EXT1: variants seen among roughly 807,000 people sequenced by gnomAD.
EXT1 encodes the protein exostosin-1.
In EXT1, 20 loss-of-function variants were observed where a neutral mutation model predicts 82.5. That is an observed-to-expected ratio of 0.24 (90% CI 0.17 to 0.35). The LOEUF (loss-of-function observed/expected upper bound fraction) is 0.35. EXT1 is among the 10% of genes least tolerant of loss of function. The pLI is 1.00. For missense variants in EXT1, 757 were observed against 936.5 expected (o/e 0.81, Z 2.50); for synonymous variants, 348 against 350.8 (o/e 0.99, Z 0.09).
At chr8:118,086,832 A>G (rs1817427998) in intron 1 of EXT1, among the ~76,000 whole-genome samples, 1 of 152,220 alleles carries the variant, frequency 6.6e-6, no homozygotes, top group Non-Finnish European at 1.5e-5. Flanking sequence ...TTAGTTTTGT[A>G]GTAGACAGAA....
chr8:117,836,813 T>C (rs527793927), intron 2 of EXT1, among the ~76,000 whole-genome samples: 2 of 152,312 alleles, frequency 1.3e-5, no homozygotes, highest in East Asian at 1.9e-4. Context: ...GGCTGCTTTT[T>C]AGAGTCCAGC....
Position 118,023,857 on chromosome 8 carries a change from C to G in EXT1, c.962+86228G>C, listed in dbSNP as rs150249435. ...CGCTCATTAACGATAATGCCAGTTC[C>G]AGAATTAGCAATGCCATTTCTTCCT... On this transcript the variant is annotated intron_variant, in intron 1 of 10. Coordinates refer to ENST00000378204, the MANE Select transcript of EXT1 (RefSeq NM_000127.3). 9.3e-4 allele frequency among the ~76,000 whole-genome samples: 141 copies of G among 152,356 alleles called. 1 individual carries two copies. The highest frequency in any genetic ancestry group is 3.3e-3 in the African/African-American group (138 of 41,586).
chr8:117,939,327 T>C (rs575057815), intron 1 of EXT1, among the ~76,000 whole-genome samples: 1 of 152,278 alleles, frequency 6.6e-6, no homozygotes, highest in African/African-American at 2.4e-5. Context: ...GCCAGCACTT[T>C]GGGCGGACAA....
intron 1 of EXT1, among the ~76,000 whole-genome samples, chr8:118,063,169 CAA>C (rs1308678470): frequency 2.0e-5 from 3 of 151,366 alleles, no homozygotes; most frequent in African/African-American, 7.3e-5. Flanking sequence ...AAAAAATAGA[CAA>C]AGTGGTAGAA....
chr8:117,884,480 T>C (rs962680229), intron 1 of EXT1, among the ~76,000 whole-genome samples: 23 of 152,082 alleles, frequency 1.5e-4, no homozygotes, highest in Non-Finnish European at 2.6e-4. Context: ...ATGTAGAAGG[T>C]GGGCAGTCGG....
chr8:117,987,491 A>G (rs559895531), intron 1 of EXT1, among the ~76,000 whole-genome samples: 17 of 152,360 alleles, frequency 1.1e-4, no homozygotes, highest in South Asian at 8.3e-4. Flanking sequence ...CGTGGCTCAC[A>G]GCCTAGCACA....
chr8:118,104,822 A>G (rs1290684975), intron 1 of EXT1, among the ~76,000 whole-genome samples: 1 of 152,220 alleles, frequency 6.6e-6, no homozygotes, highest in Non-Finnish European at 1.5e-5. Context: ...CCTCATGGAA[A>G]CATAAGCTTC....
At chr8:117,814,231 A>ACTG (rs1402864608) in intron 7 of EXT1, among the ~76,000 whole-genome samples, 3 of 102,540 alleles carry the variant, frequency 2.9e-5, no homozygotes, top group Non-Finnish European at 4.3e-5. Context: ...GTGCACACAC[A>ACTG]GTGGTGTGTG....
At chr8:117,894,152 T>A (rs1033981284) in intron 1 of EXT1, among the ~76,000 whole-genome samples, 3 of 152,174 alleles carry the variant, frequency 2.0e-5, no homozygotes, top group Non-Finnish European at 4.4e-5. Flanking sequence ...ACTACTCTAA[T>A]CACTCTCTGG....
chr8:118,090,792 A>AAAAAAAAC (rs1817509966), intron 1 of EXT1, among the ~76,000 whole-genome samples: 1 of 140,426 alleles, frequency 7.1e-6, no homozygotes, highest in Non-Finnish European at 1.5e-5. Context: ...AAAAAAAAAA[A>AAAAAAAAC]AAAAAAAAAA....
chr8:118,065,790 T>G (rs1209037881), intron 1 of EXT1, among the ~76,000 whole-genome samples: 1 of 152,204 alleles, frequency 6.6e-6, no homozygotes, highest in Non-Finnish European at 1.5e-5. Context: ...TAATATTTAG[T>G]GGGTGGGCAT....
chr8:117,897,366 A>G (rs932510001), intron 1 of EXT1, among the ~76,000 whole-genome samples: 12 of 152,166 alleles, frequency 7.9e-5, no homozygotes, highest in African/African-American at 2.9e-4. Context: ...GCTCTCCCCC[A>G]CGAGTGGAAG....
At chr8:118,059,497 A>T (rs1327486508) in intron 1 of EXT1, among the ~76,000 whole-genome samples, 1 of 152,148 alleles carries the variant, frequency 6.6e-6, no homozygotes, top group Non-Finnish European at 1.5e-5. Flanking sequence ...GTTTCTTCCT[A>T]ACAAGCGGCC....
At chr8:117,885,494 C>CAAAAA (rs11300586) in intron 1 of EXT1, among the ~76,000 whole-genome samples, 41 of 103,384 alleles carry the variant, frequency 4.0e-4, no homozygotes, top group African/African-American at 1.0e-3. Flanking sequence ...AAGTAACAGA[C>CAAAAA]AAAAAAAAAA....
intron 1 of EXT1, among the ~76,000 whole-genome samples, chr8:118,068,713 A>T (rs1357578064): frequency 3.3e-5 from 5 of 152,222 alleles, no homozygotes; most frequent in African/African-American, 1.2e-4. Context: ...GCGGCAGAAT[A>T]TATTACAAAA....
chr8:117,964,839 T>C (rs916081766), intron 1 of EXT1, among the ~76,000 whole-genome samples: 1 of 152,138 alleles, frequency 6.6e-6, no homozygotes, highest in Non-Finnish European at 1.5e-5. Context: ...GGTTTCCCTA[T>C]AGTGGCCAGG....
chr8:117,890,914 A>G (rs573042439), intron 1 of EXT1, among the ~76,000 whole-genome samples: 1 of 152,288 alleles, frequency 6.6e-6, no homozygotes, highest in Admixed American at 6.5e-5. Flanking sequence ...ATGGAGGGCA[A>G]TTATTTTCTC....
At chr8:117,977,411 CATAT>C (rs1815089370) in intron 1 of EXT1, among the ~76,000 whole-genome samples, 1 of 133,608 alleles carries the variant, frequency 7.5e-6, no homozygotes, top group African/African-American at 2.8e-5. Context: ...AAAAAAAGAC[CATAT>C]ATCCAAGGGC....
intron 1 of EXT1, among the ~76,000 whole-genome samples, chr8:117,976,554 T>A (rs1390781476): frequency 6.6e-6 from 1 of 152,040 alleles, no homozygotes; most frequent in African/African-American, 2.4e-5. Flanking sequence ...GTGTATGAAA[T>A]CAAAAAACAT....
Sources: allele counts gnomAD v4.1 joint callset (sites outside exome capture counted in the v4.1 genomes callset), GRCh38; gene constraint gnomAD v4.1.1; transcripts MANE v1.5; gene names NCBI Gene and HGNC (gene_info 2026-07-23, HGNC 2026-07-21).